DRC11: variants seen among roughly 807,000 people sequenced by gnomAD.
DRC11 encodes the protein dynein regulatory complex subunit 11, also known as IQ and AAA domain-containing protein 1.
the DRC11 span, among the ~76,000 whole-genome samples, chr2:236,501,119 A>G: frequency 6.8e-4 from 104 of 152,328 alleles, no homozygotes; most frequent in African/African-American, 2.5e-3. Context: ...TGGTGGAGGC[A>G]AAGTGGGAGC....
chr2:236,456,801 C>T, the DRC11 span, among the ~76,000 whole-genome samples: 2 of 152,100 alleles, frequency 1.3e-5, no homozygotes, highest in African/African-American at 2.4e-5. This position sits in a 1 kb window ranked among gnomAD's most constrained non-coding sequence, Gnocchi z 5.4. Flanking sequence ...AAGTAACAAG[C>T]GTAGGTGGCG....
chr2:236,367,047 C>T, the DRC11 span, among the ~76,000 whole-genome samples: 5 of 147,472 alleles, frequency 3.4e-5, no homozygotes, highest in East Asian at 4.0e-4. The surrounding 1 kb of genome is among the most constrained non-coding windows in gnomAD (Gnocchi z 4.8). Flanking sequence ...CTCTCGAACT[C>T]GACCTCAGGT....
the DRC11 span, among the ~76,000 whole-genome samples, chr2:236,425,316 C>T: frequency 6.6e-6 from 1 of 152,120 alleles, no homozygotes; most frequent in South Asian, 2.1e-4. Context: ...TCCTTGCCAA[C>T]ATTTGTTGTC....
At chr2:236,347,868 A>T in the DRC11 span, among the ~76,000 whole-genome samples, 1 of 151,816 alleles carries the variant, frequency 6.6e-6, no homozygotes, top group South Asian at 2.1e-4. Context: ...AAAAAAAAAA[A>T]TCAAAATCTC....
At chr2:236,324,758 C>T in the DRC11 span, 10 of 1,605,010 alleles carry the variant, frequency 6.2e-6, no homozygotes, top group Non-Finnish European at 8.5e-6. This position sits in a 1 kb window ranked among gnomAD's most constrained non-coding sequence, Gnocchi z 5.7. Context: ...ACGTTTTTTA[C>T]CCAGAGGAGT....
chr2:236,389,243 G>T, the DRC11 span, among the ~76,000 whole-genome samples: 81 of 152,264 alleles, frequency 5.3e-4, 1 homozygote, highest in Admixed American at 2.2e-3. Flanking sequence ...GGGCAATGGC[G>T]GGCGCCCCTC....
At chr2:236,378,767 T>C in the DRC11 span, among the ~76,000 whole-genome samples, 3 of 151,872 alleles carry the variant, frequency 2.0e-5, no homozygotes, top group Non-Finnish European at 4.4e-5. Context: ...GAGGCCCCTC[T>C]GCCCCCCAAA....
chr2:236,416,149 T>TG, the DRC11 span, among the ~76,000 whole-genome samples: 2 of 151,950 alleles, frequency 1.3e-5, no homozygotes. Context: ...GAAGCAGCCC[T>TG]GGGCAGAGGG....
At chr2:236,322,227 CTCTTT>C in the DRC11 span, among the ~76,000 whole-genome samples, 1 of 138,774 alleles carries the variant, frequency 7.2e-6, no homozygotes, top group Non-Finnish European at 1.5e-5. Flanking sequence ...TGTTTCTTTC[CTCTTT>C]TTTTTTTTTT....
the DRC11 span, chr2:236,503,618 C>T: frequency 2.6e-5 from 41 of 1,548,934 alleles, no homozygotes; most frequent in Admixed American, 7.8e-5. This position sits in a 1 kb window ranked among gnomAD's most constrained non-coding sequence, Gnocchi z 4.9. Context: ...CACACGGATC[C>T]CTGCATCATT....
the DRC11 span, among the ~76,000 whole-genome samples, chr2:236,410,914 T>TA: frequency 6.8e-6 from 1 of 146,204 alleles, no homozygotes; most frequent in Non-Finnish European, 1.5e-5. Flanking sequence ...ATTAAAGACT[T>TA]AAACGTTAGA....
At chr2:236,353,274 G>T in the DRC11 span, among the ~76,000 whole-genome samples, 2 of 152,148 alleles carry the variant, frequency 1.3e-5, no homozygotes, top group Non-Finnish European at 2.9e-5. The surrounding 1 kb of genome is among the most constrained non-coding windows in gnomAD (Gnocchi z 5.0). Flanking sequence ...ATCACTAGAG[G>T]GTTTTTGTTG....
chr2:236,348,518 C>A, the DRC11 span, among the ~76,000 whole-genome samples: 1 of 151,954 alleles, frequency 6.6e-6, no homozygotes, highest in Non-Finnish European at 1.5e-5. The surrounding 1 kb of genome is among the most constrained non-coding windows in gnomAD (Gnocchi z 7.4). Flanking sequence ...AGAAAAGAGA[C>A]CCCTGTGTGC....
chr2:236,419,074 T>C, the DRC11 span: 1 of 1,462,386 alleles, frequency 6.8e-7, no homozygotes. This position sits in a 1 kb window ranked among gnomAD's most constrained non-coding sequence, Gnocchi z 4.8. Flanking sequence ...TGTAAATATC[T>C]CATTGACTCA....
chr2:236,503,408 G>A, the DRC11 span, among the ~76,000 whole-genome samples: 32 of 152,198 alleles, frequency 2.1e-4, no homozygotes, highest in African/African-American at 7.0e-4. This position sits in a 1 kb window ranked among gnomAD's most constrained non-coding sequence, Gnocchi z 4.9. Context: ...CTTCAGTTGG[G>A]TCAGAGAAGC....
chr2:236,386,958 T>G, the DRC11 span, among the ~76,000 whole-genome samples: 1 of 147,498 alleles, frequency 6.8e-6, no homozygotes, highest in Non-Finnish European at 1.5e-5. Context: ...TCAGTTTCCA[T>G]GTAGTTGAGT....
At chr2:236,364,528 G>T in the DRC11 span, among the ~76,000 whole-genome samples, 2,061 of 152,200 alleles carry the variant, frequency 0.014, 54 homozygotes, top group African/African-American at 0.047. Flanking sequence ...GCTGTCAGTA[G>T]CGGCAGAGTT....
At chr2:236,333,024 C>G in the DRC11 span, 4 of 152,174 alleles carry the variant, frequency 2.6e-5, no homozygotes, top group African/African-American at 9.7e-5. This position sits in a 1 kb window ranked among gnomAD's most constrained non-coding sequence, Gnocchi z 6.0. Context: ...TGAGCTTGAG[C>G]CCCAAACTAG....
chr2:236,404,407 G>A, the DRC11 span, among the ~76,000 whole-genome samples: 19 of 152,098 alleles, frequency 1.2e-4, no homozygotes, highest in African/African-American at 4.1e-4. Context: ...CAGGGAGTCT[G>A]CACCCTCTTC....
Sources: allele counts gnomAD v4.1 joint callset (sites outside exome capture counted in the v4.1 genomes callset), GRCh38; gene constraint gnomAD v4.1.1; non-coding constraint Gnocchi (gnomAD v3.1); transcripts MANE v1.5; gene names NCBI Gene and HGNC (gene_info 2026-07-23, HGNC 2026-07-21).